The following KCNN2 variants were observed in gnomAD, a reference collection of about 807,000 sequenced individuals.
The protein encoded by KCNN2 is small conductance calcium-activated potassium channel protein 2.
In KCNN2, 24 loss-of-function variants were observed where a neutral mutation model predicts 55.5. The ratio of observed to expected loss-of-function variants is 0.43; its 90% confidence interval spans 0.31 to 0.61. The LOEUF (loss-of-function observed/expected upper bound fraction) is 0.61, where lower values mean the gene tolerates loss of function less well. Among genes scored for constraint, KCNN2 ranks in the 20% least tolerant of loss-of-function variants. KCNN2 has a pLI of 0.08. For missense variants in KCNN2, 754 were observed against 853.6 expected (o/e 0.88, Z 1.45); for synonymous variants, 431 against 336.1 (o/e 1.28, Z -3.09).
At chr5:114,323,516 A>G (rs1447074724) in intron 2 of KCNN2, among the ~76,000 whole-genome samples, 1 of 152,140 alleles carries the variant, frequency 6.6e-6, no homozygotes, top group Non-Finnish European at 1.5e-5. Flanking sequence ...TTTTTCATGT[A>G]CAGTATAAAT....
At chr5:114,233,375 A>G (rs1754403301) in intron 2 of KCNN2, among the ~76,000 whole-genome samples, 1 of 152,190 alleles carries the variant, frequency 6.6e-6, no homozygotes, top group African/African-American at 2.4e-5. Context: ...CTCTTCAGGT[A>G]TATTAACATA....
intron 1 of KCNN2, among the ~76,000 whole-genome samples, chr5:114,134,459 ATTTATTTATTT>A (rs1453232987): frequency 1.2e-4 from 1 of 8,198 alleles, no homozygotes; most frequent in Non-Finnish European, 3.6e-4. Context: ...TCCAACCATG[ATTTATTTATTT>A]ATTTATTTAT....
chr5:114,119,338 TAG>T (rs1287961968), intron 1 of KCNN2, among the ~76,000 whole-genome samples: 4 of 152,168 alleles, frequency 2.6e-5, no homozygotes, highest in Non-Finnish European at 2.9e-5. Context: ...TCTGATAAAT[TAG>T]GGAAGTATTG....
chr5:114,090,729 A>G (rs748793771), intron 1 of KCNN2, among the ~76,000 whole-genome samples: 3 of 152,174 alleles, frequency 2.0e-5, no homozygotes, highest in Non-Finnish European at 4.4e-5. Context: ...AATCCTCATT[A>G]TACTATCCTG....
intron 2 of KCNN2, among the ~76,000 whole-genome samples, chr5:114,333,845 T>C (rs1756871958): frequency 6.6e-6 from 1 of 152,228 alleles, no homozygotes; most frequent in Non-Finnish European, 1.5e-5. Context: ...GCCATTGTGC[T>C]TAACTTTAGT....
At chr5:114,238,325 A>G (rs1580648521) in intron 2 of KCNN2, among the ~76,000 whole-genome samples, 1 of 152,282 alleles carries the variant, frequency 6.6e-6, no homozygotes, top group East Asian at 1.9e-4. Flanking sequence ...TAAAGGATAA[A>G]TTACAAAAAT....
rs539812528 is a variant in KCNN2, at chr5:114,076,305, G to T, written c.-271+19805G>T. ...GGTACTAGAGATGACAGCCTTCTTG[G>T]TATCTACCAGAGATCCCCACACTGT... On this transcript the variant is annotated intron_variant, in intron 1 of 10. Coordinates refer to the KCNN2 transcript ENST00000512097. Among the ~76,000 whole-genome samples, 10 of 152,322 alleles carry T rather than the reference G, an allele frequency of 6.6e-5. No homozygotes were observed. The South Asian group carries it at 2.1e-3, about 32-fold the overall frequency.
chr5:114,093,958 A>G (rs990059405), intron 1 of KCNN2, among the ~76,000 whole-genome samples: 2 of 152,204 alleles, frequency 1.3e-5, no homozygotes, highest in Non-Finnish European at 2.9e-5. Context: ...GAGACTCTGT[A>G]AGGTTAAGGA....
chr5:114,252,735 C>A (rs1467547786), intron 2 of KCNN2, among the ~76,000 whole-genome samples: 1 of 151,324 alleles, frequency 6.6e-6, no homozygotes, highest in Non-Finnish European at 1.5e-5. Flanking sequence ...CAAGCTCATT[C>A]TGAGAAAGTT....
At chr5:114,106,001 T>C (rs900294797) in intron 1 of KCNN2, among the ~76,000 whole-genome samples, 1 of 152,006 alleles carries the variant, frequency 6.6e-6, no homozygotes, top group African/African-American at 2.4e-5. Flanking sequence ...TGTTTTTCTT[T>C]TGAATTGATC....
At chr5:114,369,334 T>A (rs1287240337) in intron 2 of KCNN2, among the ~76,000 whole-genome samples, 1 of 152,222 alleles carries the variant, frequency 6.6e-6, no homozygotes, top group Non-Finnish European at 1.5e-5. Flanking sequence ...CAGTGCGTTA[T>A]CTAATCTGCC....
chr5:114,115,750 C>A (rs761337904), intron 1 of KCNN2, among the ~76,000 whole-genome samples: 46 of 152,008 alleles, frequency 3.0e-4, no homozygotes, highest in Non-Finnish European at 1.2e-4. Flanking sequence ...TTTAGGGTAT[C>A]ATCCAGCTAA....
intron 1 of KCNN2, among the ~76,000 whole-genome samples, chr5:114,149,879 C>T (rs1752485678): frequency 6.6e-6 from 1 of 152,134 alleles, no homozygotes; most frequent in South Asian, 2.1e-4. Flanking sequence ...CCTAAAGAGG[C>T]CAAGAAGAGC....
rs539768634 is a variant in KCNN2, at chr5:114,305,135, G to A, written c.-184-55810G>A. 3.9e-5 allele frequency among the ~76,000 whole-genome samples: 6 copies of A among 152,324 alleles called. No homozygotes were observed. In the South Asian group the frequency reaches 1.2e-3, roughly 32 times the overall value. ...ACAGAACTCTAGAGGATAGCCTAAC[G>A]TTGAAGGAAAATATGCAAGGGAAAA... On this transcript the variant is annotated intron_variant, in intron 2 of 10. Transcript: ENST00000512097.
chr5:114,468,290 G>A (rs1358463444), intron 4 of KCNN2, among the ~76,000 whole-genome samples: 1 of 151,992 alleles, frequency 6.6e-6, no homozygotes, highest in Non-Finnish European at 1.5e-5. Flanking sequence ...AGAATTGATT[G>A]TTTCACATGT....
upstream of KCNN2, among the ~76,000 whole-genome samples, chr5:114,360,546 G>C (rs1405552181): frequency 6.6e-6 from 1 of 152,152 alleles, no homozygotes; most frequent in African/African-American, 2.4e-5. Flanking sequence ...TCTTTAGGGG[G>C]AGACGGGAAT....
intron 3 of KCNN2, among the ~76,000 whole-genome samples, chr5:114,460,457 T>G (rs1444799596): frequency 6.6e-6 from 1 of 152,128 alleles, no homozygotes; most frequent in Non-Finnish European, 1.5e-5. Flanking sequence ...TGGCCCAAGC[T>G]GGTCCCGAAC....
intron 1 of KCNN2, among the ~76,000 whole-genome samples, chr5:114,095,666 A>G (rs1320074681): frequency 2.0e-5 from 3 of 152,026 alleles, no homozygotes; most frequent in African/African-American, 7.2e-5. Flanking sequence ...TGCATTTTCT[A>G]CCTTGTTTCT....
intron 1 of KCNN2, among the ~76,000 whole-genome samples, chr5:114,183,383 T>G (rs1753274135): frequency 6.6e-6 from 1 of 152,086 alleles, no homozygotes; most frequent in South Asian, 2.1e-4. Context: ...GTTTGGAAAT[T>G]TTTCCCACTT....
Sources: gnomAD v4.1 joint callset for allele counts (sites outside exome capture counted in the v4.1 genomes callset) on GRCh38, gnomAD v4.1.1 for gene constraint, MANE v1.5 for transcripts, NCBI Gene and HGNC (gene_info 2026-07-23, HGNC 2026-07-21) for gene names.